Variants in SORBS2 observed in about 807,000 individuals in gnomAD.
SORBS2 encodes sorbin and SH3 domain-containing protein 2.
A neutral mutation model predicts 97.7 loss-of-function variants in SORBS2; 46 were observed. The ratio of observed to expected loss-of-function variants is 0.47; its 90% CI spans 0.37 to 0.60. SORBS2 has a LOEUF of 0.60. Ranked by LOEUF, SORBS2 falls within the 20% of genes least tolerant of loss-of-function variation. SORBS2 has a pLI of 0.00. For missense variants in SORBS2, 1,316 were observed against 1,282.3 expected (o/e 1.03, Z -0.40); for synonymous variants, 476 against 473.4 (o/e 1.01, Z -0.07).
chr4:185,669,585 C>T (rs935184671), intron 4 of SORBS2, among the ~76,000 whole-genome samples: 7 of 151,962 alleles, frequency 4.6e-5, no homozygotes, highest in African/African-American at 1.7e-4. Context: ...GGAAAGTGCT[C>T]GTTGGGGTGC....
At chr4:185,842,045 C>A (rs1298525031) in intron 1 of SORBS2, among the ~76,000 whole-genome samples, 3 of 152,200 alleles carry the variant, frequency 2.0e-5, no homozygotes, top group Admixed American at 2.0e-4. Context: ...ATGACCAATG[C>A]TCCTGCCCTC....
exon 4 of SORBS2, chr4:185,678,510 C>G: frequency 6.5e-7 from 1 of 1,549,660 alleles, no homozygotes; most frequent in Non-Finnish European, 8.7e-7. Flanking sequence ...CATCTCCGTT[C>G]AGTGTCTCCT....
At chr4:185,593,664 T>C in intron 13 of SORBS2, 1 of 518,096 alleles carries the variant, frequency 1.9e-6, no homozygotes, top group South Asian at 2.6e-5. Context: ...TTTCCTAGTG[T>C]GTCAATTAAA....
Position 185,678,789 on chromosome 4 carries a change from T to C in SORBS2, c.-171+7A>G. The stretch of plus-strand genomic sequence containing the variant: ...TATAATAATTATTCAGAATATTTTT[T>C]CTGTACCTGAGTCTGGTGACTGAGA... On this transcript the variant is annotated splice_region_variant and intron_variant, in intron 3 of 20. Transcript: ENST00000284776. 1 of 1,459,712 alleles carries C rather than the reference T, an allele frequency of 6.9e-7. No individual in the cohort carries two copies. Among genetic ancestry groups the C allele is most frequent in the Non-Finnish European group, 9.1e-7 (1 of 1,098,370 alleles). The allele number at this position is 1,459,712 out of a possible 1,614,324, so 90.4% of individuals were successfully genotyped here.
intron 1 of SORBS2, among the ~76,000 whole-genome samples, chr4:185,836,517 T>G (rs188495588): frequency 4.1e-4 from 62 of 152,362 alleles, no homozygotes; most frequent in African/African-American, 1.5e-3. Flanking sequence ...GTGATTATAA[T>G]GTACACACCA....
At chr4:185,926,642 ATATTT>A (rs1296072386) in intron 1 of SORBS2, among the ~76,000 whole-genome samples, 1 of 151,752 alleles carries the variant, frequency 6.6e-6, no homozygotes, top group Non-Finnish European at 1.5e-5. Flanking sequence ...CAGTTTGTTT[ATATTT>A]TATATTAGTA....
chr4:185,941,555 A>G (rs2099272015), intron 1 of SORBS2, among the ~76,000 whole-genome samples: 1 of 152,204 alleles, frequency 6.6e-6, no homozygotes, highest in Non-Finnish European at 1.5e-5. Flanking sequence ...AATCTCACAC[A>G]AAGCTGACTT....
chr4:185,912,134 A>T (rs1319295579), intron 1 of SORBS2, among the ~76,000 whole-genome samples: 2 of 152,068 alleles, frequency 1.3e-5, no homozygotes, highest in Non-Finnish European at 2.9e-5. Context: ...TAACCCTAAA[A>T]AACTCTTTCA....
intron 1 of SORBS2, among the ~76,000 whole-genome samples, chr4:185,881,981 T>C (rs1196398443): frequency 6.6e-6 from 1 of 152,220 alleles, no homozygotes; most frequent in African/African-American, 2.4e-5. Context: ...TATTTTAATA[T>C]GATCTCTTAG....
At chr4:185,779,508 G>T (rs569440349) in intron 1 of SORBS2, among the ~76,000 whole-genome samples, 108 of 152,276 alleles carry the variant, frequency 7.1e-4, no homozygotes, top group African/African-American at 2.4e-3. Context: ...ACTTTCATGG[G>T]CGTGAGTTTT....
At chr4:185,645,278 C>T (rs192844822) in intron 4 of SORBS2, among the ~76,000 whole-genome samples, 8 of 152,228 alleles carry the variant, frequency 5.3e-5, no homozygotes, top group African/African-American at 1.9e-4. Context: ...CAATTTTCTG[C>T]AATGATGACA....
intron 4 of SORBS2, among the ~76,000 whole-genome samples, chr4:185,667,531 T>C (rs1211019928): frequency 3.9e-5 from 6 of 151,968 alleles, no homozygotes; most frequent in Non-Finnish European, 7.4e-5. Context: ...ATACAGAAAG[T>C]TCTGCATAAA....
intron 1 of SORBS2, among the ~76,000 whole-genome samples, chr4:185,899,289 T>A (rs1189389844): frequency 6.6e-6 from 1 of 152,182 alleles, no homozygotes; most frequent in Non-Finnish European, 1.5e-5. Flanking sequence ...AGTCAGATGG[T>A]TAAGGTCTCG....
At chr4:185,911,391 C>T (rs1188580182) in intron 1 of SORBS2, among the ~76,000 whole-genome samples, 1 of 151,996 alleles carries the variant, frequency 6.6e-6, no homozygotes, top group Non-Finnish European at 1.5e-5. Flanking sequence ...CCATGCCTGG[C>T]TAATTTTTTT....
chr4:185,678,695 C>T (rs2097830233), intron 3 of SORBS2, 101 bp downstream of exon 6: 2 of 1,135,900 alleles, frequency 1.8e-6, no homozygotes, highest in Non-Finnish European at 2.5e-6. Flanking sequence ...CATAACAGTA[C>T]ATGAAATTTA....
At chr4:185,615,976 T>A (rs1164426642) in intron 9 of SORBS2, among the ~76,000 whole-genome samples, 1 of 152,226 alleles carries the variant, frequency 6.6e-6, no homozygotes, top group Non-Finnish European at 1.5e-5. Context: ...TCACCTTCAC[T>A]ACATCAATTT....
At chr4:185,827,768 TCAC>T (rs543137565) in intron 1 of SORBS2, among the ~76,000 whole-genome samples, 1,442 of 89,522 alleles carry the variant, frequency 0.016, 43 homozygotes, top group East Asian at 0.057. Flanking sequence ...ACCATCATCA[TCAC>T]CATCACCATC....
Position 185,611,325 on chromosome 4 carries a change from T to C in SORBS2, c.2796+455A>G, listed in dbSNP as rs1480875182. ...TATACATAGTATTTTGTGTTGTGTA[T>C]ATTTATATTTCAAATTATAAATCAC... is the stretch of plus-strand genomic sequence containing the variant. On this transcript the variant is annotated intron_variant, in intron 12 of 14. Coordinates refer to ENST00000418609, the Ensembl canonical transcript of SORBS2. Among the ~76,000 whole-genome samples, 3 of 151,958 alleles carry C rather than the reference T, an allele frequency of 2.0e-5. No individual in the cohort carries two copies. In the East Asian group the frequency reaches 5.8e-4, roughly 29 times the overall value.
intron 1 of SORBS2, among the ~76,000 whole-genome samples, chr4:185,797,282 G>A (rs762779829): frequency 2.0e-5 from 3 of 152,142 alleles, no homozygotes; most frequent in Non-Finnish European, 4.4e-5. Context: ...TCCCGGCCCC[G>A]TCACCTTAGT....
Sources: gnomAD v4.1 joint callset for allele counts (sites outside exome capture counted in the v4.1 genomes callset) on GRCh38, gnomAD v4.1.1 for gene constraint, MANE v1.5 for transcripts, NCBI Gene and HGNC (gene_info 2026-07-23, HGNC 2026-07-21) for gene names.